The following CSMD3 variants were observed in gnomAD, a reference collection of about 807,000 sequenced individuals.
CSMD3 encodes the protein CUB and Sushi multiple domains 3.
CSMD3 carries 177 observed loss-of-function variants against 435.2 expected under a neutral mutation model. The observed-to-expected ratio is 0.41, with a 90% confidence interval of 0.36 to 0.46. The LOEUF is 0.46. Ranked by LOEUF, CSMD3 falls within the 20% of genes least tolerant of loss-of-function variation. The probability of loss-of-function intolerance (pLI) is 0.34; values close to 1 mark genes in which losing one functional copy is unlikely to be tolerated. For missense variants in CSMD3, 4,265 were observed against 4,504.6 expected (o/e 0.95, Z 1.52); for synonymous variants, 1,656 against 1,520.5 (o/e 1.09, Z -2.07).
At chr8:112,556,719 GTTTTCACAGAAATA>G in intron 25 of CSMD3, 30 bp downstream of exon 25, 1 of 1,492,498 alleles carries the variant, frequency 6.7e-7, no homozygotes, top group South Asian at 1.1e-5. Context: ...ATTTGATAAA[GTTTTCACAGAAATA>G]TTCAATGAAA....
At chr8:113,029,320 C>T (rs2086993561) in intron 5 of CSMD3, among the ~76,000 whole-genome samples, 1 of 151,080 alleles carries the variant, frequency 6.6e-6, no homozygotes, top group Admixed American at 6.6e-5. Context: ...AGGGCATAAC[C>T]AAAAAAGAAA....
intron 2 of CSMD3, among the ~76,000 whole-genome samples, chr8:113,298,159 G>A (rs7002915): frequency 0.64 from 96,443 of 151,816 alleles, 31,396 homozygotes; most frequent in East Asian, 0.75. Context: ...GGATGTGGAA[G>A]ATATGATAGG....
At chr8:112,599,709 G>A (rs1832131705) in intron 22 of CSMD3, among the ~76,000 whole-genome samples, 1 of 151,502 alleles carries the variant, frequency 6.6e-6, no homozygotes, top group Non-Finnish European at 1.5e-5. Flanking sequence ...ATGAGTTCAT[G>A]TCCTTTGTAG....
chr8:112,304,984 A>G, intron 51 of CSMD3, 69 bp from the exon 52 acceptor site: 1 of 1,121,806 alleles, frequency 8.9e-7, no homozygotes, highest in Non-Finnish European at 1.3e-6. Context: ...CATTCTTTAC[A>G]TCTCCACTGA....
chr8:113,137,806 G>A (rs933340268), intron 4 of CSMD3, among the ~76,000 whole-genome samples: 1 of 151,400 alleles, frequency 6.6e-6, no homozygotes, highest in Non-Finnish European at 1.5e-5. Context: ...AATTTTGAAG[G>A]GGACAAGAAC....
intron 1 of CSMD3, among the ~76,000 whole-genome samples, chr8:113,402,231 A>G (rs2094513633): frequency 8.6e-6 from 1 of 115,734 alleles, no homozygotes; most frequent in Admixed American, 7.6e-5. Flanking sequence ...TGTTTTCATC[A>G]CCAAGGATTA....
intron 13 of CSMD3, among the ~76,000 whole-genome samples, chr8:112,777,163 T>C (rs1019202427): frequency 1.3e-5 from 2 of 151,822 alleles, no homozygotes; most frequent in African/African-American, 2.4e-5. Flanking sequence ...TACAAATACG[T>C]GTTATTGATA....
chr8:112,743,885 C>G (rs1013267797), intron 13 of CSMD3, among the ~76,000 whole-genome samples: 1 of 151,878 alleles, frequency 6.6e-6, no homozygotes, highest in Non-Finnish European at 1.5e-5. Flanking sequence ...CAGGATATTT[C>G]ATTAAAAACA....
At chr8:112,869,986 A>C (rs186476850) in intron 10 of CSMD3, among the ~76,000 whole-genome samples, 2 of 152,202 alleles carry the variant, frequency 1.3e-5, no homozygotes, top group Admixed American at 1.3e-4. Flanking sequence ...ACCATGGCAC[A>C]TGTATAACTA....
chr8:112,751,709 C>A (rs774889173), intron 13 of CSMD3, among the ~76,000 whole-genome samples: 3 of 151,132 alleles, frequency 2.0e-5, no homozygotes, highest in African/African-American at 7.3e-5. Context: ...TTCTATCCTA[C>A]TTCACAGAGA....
At chr8:112,525,514 A>G (rs1363806447) in intron 27 of CSMD3, among the ~76,000 whole-genome samples, 1 of 149,326 alleles carries the variant, frequency 6.7e-6, no homozygotes, top group Non-Finnish European at 1.5e-5. Flanking sequence ...AGGTCAGGAA[A>G]TCGAGACCAT....
chr8:112,790,308 G>T (rs2078655113), intron 13 of CSMD3, among the ~76,000 whole-genome samples: 1 of 151,528 alleles, frequency 6.6e-6, no homozygotes, highest in African/African-American at 2.4e-5. Flanking sequence ...ACAAATGGTA[G>T]GATTTTTTGA....
intron 1 of CSMD3, among the ~76,000 whole-genome samples, chr8:113,356,448 A>C (rs1292624531): frequency 6.6e-6 from 1 of 152,152 alleles, no homozygotes; most frequent in Non-Finnish European, 1.5e-5. Context: ...ATATGAACAA[A>C]AAAACAAGGA....
intron 28 of CSMD3, among the ~76,000 whole-genome samples, chr8:112,513,930 T>A (rs995249883): frequency 6.6e-6 from 1 of 152,170 alleles, no homozygotes; most frequent in African/African-American, 2.4e-5. Flanking sequence ...TAGAGATGCA[T>A]ACATACATGT....
chr8:112,836,995 A>C (rs2080045138), intron 11 of CSMD3, among the ~76,000 whole-genome samples: 1 of 151,844 alleles, frequency 6.6e-6, no homozygotes, highest in South Asian at 2.1e-4. Context: ...TCTGAAATTT[A>C]GAAAATATTT....
chr8:112,529,027 C>T (rs1825266429), intron 27 of CSMD3, among the ~76,000 whole-genome samples: 1 of 151,896 alleles, frequency 6.6e-6, no homozygotes, highest in South Asian at 2.1e-4. Flanking sequence ...TGTCCCAAGT[C>T]TTCTTTGCTG....
chr8:112,456,611 G>T (rs529053998), intron 32 of CSMD3, among the ~76,000 whole-genome samples: 1 of 152,126 alleles, frequency 6.6e-6, no homozygotes, highest in South Asian at 2.1e-4. Flanking sequence ...ATATTGAAAA[G>T]CTATAACTAT....
intron 23 of CSMD3, among the ~76,000 whole-genome samples, chr8:112,582,732 C>T (rs1830425344): frequency 6.6e-6 from 1 of 151,966 alleles, no homozygotes; most frequent in Non-Finnish European, 1.5e-5. Flanking sequence ...TGTTAAAATC[C>T]TAACCCTCAA....
In CSMD3 at chr8:113,207,758, T is replaced by C. The variant is rs115194605; in HGVS notation, c.515-33842A>G. ...GTTTTGAAGTAAAAAGAAAGATATA[T>C]ACTTGATATTTACTGAACTTAAGAG... is the stretch of plus-strand genomic sequence containing the variant. On this transcript the variant is annotated intron_variant, in intron 3 of 70. Coordinates refer to ENST00000297405, the MANE Select transcript of CSMD3 (RefSeq NM_198123.2). Among the ~76,000 whole-genome samples the C allele has an allele frequency of 3.3e-3, 499 of 152,258 alleles. 2 individuals carry two copies. Among genetic ancestry groups the C allele is most frequent in the African/African-American group, 9.4e-3 (392 of 41,568 alleles).
Sources: allele counts gnomAD v4.1 joint callset (sites outside exome capture counted in the v4.1 genomes callset), GRCh38; gene constraint gnomAD v4.1.1; transcripts MANE v1.5; gene names NCBI Gene and HGNC (gene_info 2026-07-23, HGNC 2026-07-21).